Variants in PEG3 observed in about 807,000 individuals in gnomAD.
PEG3 encodes paternally-expressed gene 3 protein.
Under a neutral mutation model 35.5 loss-of-function variants are expected in PEG3, and 23 were observed. The observed-to-expected ratio is 0.65, with a 90% confidence interval of 0.47 to 0.92. The LOEUF (loss-of-function observed/expected upper bound fraction) is 0.92, where lower values mean the gene tolerates loss of function less well. Ranked by LOEUF, PEG3 falls within the 40% of genes least tolerant of loss-of-function variation. The probability of loss-of-function intolerance (pLI) is 0.00; values close to 1 mark genes in which losing one functional copy is unlikely to be tolerated. For missense variants in PEG3, 1,960 were observed against 1,985.3 expected, an observed-to-expected ratio of 0.99 and a Z score of 0.24; for synonymous variants, 707 against 697.0, an observed-to-expected ratio of 1.01 and a Z score of -0.23.
In PEG3 at chr19:56,813,982, A is replaced by G. The variant is rs201746827; in HGVS notation, c.4460T>C (p.Ile1487Thr). 9.9e-5 allele frequency: 159 copies of G among 1,613,902 alleles called. No individual in the cohort carries two copies. Among genetic ancestry groups the G allele is most frequent in the Middle Eastern group, 1.6e-4 (1 of 6,084 alleles). ...ATCTTCACCTTCTTCTGGGTCTTCA[A>G]TTCCCACACCGTCAGGCTCGTCGGC... ...GDADEPDGVGIEDPEEGEDQE... is the reference protein window; with the variant it reads ...GDADEPDGVGTEDPEEGEDQE... The change falls in exon 10 of 10, where the codon ATT becomes ACT. Residue 1487 changes from isoleucine (I) to threonine (T), a missense_variant. Coordinates refer to ENST00000326441, the MANE Select transcript of PEG3 (RefSeq NM_006210.3).
chr19:56,838,583 C>T (rs1047590566), intron 1 of PEG3, among the ~76,000 whole-genome samples: 5 of 152,198 alleles, frequency 3.3e-5, no homozygotes, highest in African/African-American at 1.2e-4. Context: ...GGTCAGGCAA[C>T]AACAGGGGAA....
chr19:56,829,656 C>G (rs1040545299), intron 2 of PEG3, among the ~76,000 whole-genome samples: 4 of 152,242 alleles, frequency 2.6e-5, no homozygotes. Context: ...ATGAGGTTAG[C>G]TGCCTTCCTG....
At position 56,813,340 on chromosome 19, in the gene PEG3, A is replaced by T; in HGVS notation, c.*335T>A. ...TTTTATATACACCTCATGAAACACT[A>T]TATATACGTTACACAAGTGTCATTT... On this transcript the variant is annotated 3_prime_UTR_variant, in exon 10 of 10. Coordinates refer to ENST00000326441, the MANE Select transcript of PEG3 (RefSeq NM_006210.3). The T allele has an allele frequency of 9.5e-7, 1 of 1,057,472 alleles. No individual in the cohort carries two copies. Among genetic ancestry groups the T allele is most frequent in the South Asian group, 3.6e-5 (1 of 28,050 alleles). The allele number at this position is 1,057,472 out of a possible 1,614,324, so 65.5% of individuals were successfully genotyped here.
chr19:56,813,484 G>A lies in PEG3; in HGVS notation c.*191C>T, dbSNP rs896448433. 7.8e-6 allele frequency: 11 copies of A among 1,401,806 alleles called. No homozygotes were observed. Among genetic ancestry groups the A allele is most frequent in the East Asian group, 2.6e-5 (1 of 39,034 alleles). The allele number at this position is 1,401,806 out of a possible 1,614,324, so 86.8% of individuals were successfully genotyped here. Reference sequence around the variant, plus strand: ...CCACATGCAGACACTGACATCTGAAGGGGAAAGCTTAAGACTGTGGAATCT... The same window carrying A: ...CCACATGCAGACACTGACATCTGAAAGGGAAAGCTTAAGACTGTGGAATCT... On this transcript the variant is annotated 3_prime_UTR_variant, in exon 10 of 10. Coordinates refer to ENST00000326441, the MANE Select transcript of PEG3 (RefSeq NM_006210.3).
Position 56,814,298 on chromosome 19 carries a change from G to C in PEG3, c.4144C>G (p.Gln1382Glu). ...AAGCCCTGAATCCTCAGAACTACTTGTGGAACATGGACATTGGCTTCAACT... is the reference window on the plus strand; with the variant it reads ...AAGCCCTGAATCCTCAGAACTACTTCTGGAACATGGACATTGGCTTCAACT... ...QEVEANVHVP[Q>E]VVLRIQGLNV... is the part of the protein sequence containing the mutation. The change falls in exon 10 of 10, where the codon CAA becomes GAA. Residue 1382 changes from glutamine to glutamate, a missense_variant. Gln to Glu is a conservative substitution (Grantham distance 29, BLOSUM62 2). Coordinates refer to ENST00000326441, the MANE Select transcript of PEG3 (RefSeq NM_006210.3). This position sits in a 1 kb window ranked among gnomAD's most constrained non-coding sequence, Gnocchi z 5.8. 6.2e-7 allele frequency: 1 copy of C among 1,613,994 alleles called. No homozygotes were observed. The highest frequency in any genetic ancestry group is 8.5e-7 in the Non-Finnish European group (1 of 1,180,038).
In PEG3 at chr19:56,815,354, G is replaced by C; in HGVS notation, c.3088C>G (p.Arg1030Gly). Residue 1030 changes from arginine (R) to glycine (G), a missense_variant, in exon 10 of 10, where the codon CGG becomes GGG. Physicochemically the swap from Arg to Gly is moderately radical, Grantham distance 125. Around this residue, in one of 5 missense-constraint regions of PEG3, gnomAD observed 798 missense variants for 782.4 expected, o/e 1.02. Transcript: ENST00000326441. ...TGTCTGAAGTCCTTACATTTGTTCC[G>C]CGCTTGCTCTTTAGCATACTGCTCT... is the stretch of plus-strand genomic sequence containing the variant. ...AQEQYAKEQA[R>G]NKCKDFRQFF... 1 of 1,614,104 alleles carries C rather than the reference G, an allele frequency of 6.2e-7. No individual in the cohort carries two copies. The highest frequency in any genetic ancestry group is 8.5e-7 in the Non-Finnish European group (1 of 1,180,018).
At position 56,810,876 on chromosome 19, in the gene PEG3, A is replaced by C; in HGVS notation, c.*2799T>G. 1.0e-6 allele frequency: 1 copy of C among 965,224 alleles called. No homozygotes were observed. Among genetic ancestry groups the C allele is most frequent in the Non-Finnish European group, 1.2e-6 (1 of 811,600 alleles). 59.8% of individuals were successfully genotyped at this position (965,224 alleles called of 1,614,324 possible). A position where few individuals can be genotyped will look rare whatever the true frequency, so the allele number is the denominator to read the frequency against. ...CTAATTTTTCCTCTGGGTATGTATT[A>C]TGCACACCAATGGAGACACACATAA... On this transcript the variant is annotated 3_prime_UTR_variant, in exon 10 of 10. Transcript: ENST00000326441.
rs746835383 is a variant in PEG3 at position 56,818,600 on chromosome 19, C to G, written c.772G>C (p.Val258Leu). Residue 258 changes from valine (V) to leucine (L), a missense_variant and splice_region_variant, in exon 8 of 10, where the codon GTG (valine) becomes CTG (leucine). By Grantham distance (32) the Val-to-Leu change is conservative. This residue lies in a region of PEG3 where 613 missense variants were observed against 577.1 expected (regional missense o/e 1.06). Coordinates refer to ENST00000326441, the MANE Select transcript of PEG3 (RefSeq NM_006210.3). ...GTGACTGAGAGAAGCAGCTGCTTAC[C>G]GAGGGAGAGCAGCTTCCTGTAGTTT... ...MENYRKLLSLVQLAEDDGHSH... is the reference protein window; with the variant it reads ...MENYRKLLSLLQLAEDDGHSH... The G allele has an allele frequency of 6.2e-7, 1 of 1,613,940 alleles. No individual in the cohort carries two copies. The highest frequency in any genetic ancestry group is 8.5e-7 in the Non-Finnish European group (1 of 1,180,016).
chr19:56,833,174 TC>T (rs1156847645), intron 2 of PEG3: 2 of 517,354 alleles, frequency 3.9e-6, no homozygotes, highest in Admixed American at 3.9e-5. Flanking sequence ...GGCTCCCACA[TC>T]CCATCTGATG....
rs1487241642 is a variant in PEG3, at chr19:56,810,935, T to C, written c.*2740A>G. On this transcript the variant is annotated 3_prime_UTR_variant, in exon 10 of 10. Transcript: ENST00000326441. ...TATCAGGACATTATTATAGGGAACA[T>C]TTGAAAAAATTAAAGTGAAAGTATT... 1 of 968,736 alleles carries C rather than the reference T, an allele frequency of 1.0e-6. No individual in the cohort carries two copies. Among genetic ancestry groups the C allele is most frequent in the Non-Finnish European group, 1.2e-6 (1 of 814,868 alleles). 60.0% of individuals were successfully genotyped at this position (968,736 alleles called of 1,614,324 possible). A position where few individuals can be genotyped will look rare whatever the true frequency, so the allele number is the denominator to read the frequency against.
chr19:56,840,109 C>T (rs939485728), intron 1 of PEG3, among the ~76,000 whole-genome samples: 1 of 152,224 alleles, frequency 6.6e-6, no homozygotes, highest in Non-Finnish European at 1.5e-5. Context: ...TTCGCAGCCC[C>T]CAGACCCAGC....
intron 1 of PEG3, among the ~76,000 whole-genome samples, chr19:56,839,168 G>C (rs536858559): frequency 6.6e-6 from 1 of 151,946 alleles, no homozygotes; most frequent in East Asian, 2.0e-4. Flanking sequence ...CAAACCACTA[G>C]GTCCAATGCC....
chr19:56,811,103 T>C lies in PEG3; in HGVS notation c.*2572A>G. 1.0e-6 allele frequency: 1 copy of C among 984,986 alleles called. No individual in the cohort carries two copies. Among genetic ancestry groups the C allele is most frequent in the Non-Finnish European group, 1.2e-6 (1 of 829,514 alleles). The allele number at this position is 984,986 out of a possible 1,614,324, so 61.0% of individuals were successfully genotyped here. A position where few individuals can be genotyped will look rare whatever the true frequency, so the allele number is the denominator to read the frequency against. On this transcript the variant is annotated 3_prime_UTR_variant, in exon 10 of 10. Coordinates refer to ENST00000326441, the MANE Select transcript of PEG3 (RefSeq NM_006210.3). ...TCTTTGGATGGTGGGGATATGATTT[T>C]TTTTCCTCCACTTTTCTGTATTTTC...
rs369229885 is a variant in PEG3, at chr19:56,823,662, C to T, written c.412G>A (p.Val138Met). The change falls in exon 5 of 10, where the codon GTG (valine) becomes ATG (methionine). Residue 138 changes from valine to methionine, a missense_variant. By Grantham distance (21) the Val-to-Met change is conservative. Around this residue, in one of 5 missense-constraint regions of PEG3, gnomAD observed 613 missense variants for 577.1 expected, o/e 1.06. Coordinates refer to ENST00000326441, the MANE Select transcript of PEG3 (RefSeq NM_006210.3). The stretch of plus-strand genomic sequence containing the variant: ...CGGGTCATGTCGTCGTCGCTGGTCA[C>T]GTCACTGTTGTTGTCGTCTAAGAGG... Reference protein sequence around the residue: ...YQPEDDNNSDVTSDDDMTRNR... With the variant: ...YQPEDDNNSDMTSDDDMTRNR... 5.6e-5 allele frequency: 91 copies of T among 1,614,040 alleles called. No individual in the cohort carries two copies. The highest frequency in any genetic ancestry group is 8.9e-5 in the East Asian group (4 of 44,886).
chr19:56,830,097 T>C (rs953623444), intron 2 of PEG3, among the ~76,000 whole-genome samples: 7 of 152,230 alleles, frequency 4.6e-5, no homozygotes, highest in African/African-American at 1.2e-4. Context: ...TGAAGATGTA[T>C]GAATCCAACA....
chr19:56,812,897 C>T lies in PEG3; in HGVS notation c.*778G>A, dbSNP rs1447126971. 1 of 984,656 alleles carries T rather than the reference C, an allele frequency of 1.0e-6. No homozygotes were observed. Among genetic ancestry groups the T allele is most frequent in the Non-Finnish European group, 1.2e-6 (1 of 829,828 alleles). 61.0% of individuals were successfully genotyped at this position (984,656 alleles called of 1,614,324 possible). ...CTTCAACAAACATAACATGTGGCAACCAATCAATCTGGGTCACAAAAAGCC... is the reference window on the plus strand; with the variant it reads ...CTTCAACAAACATAACATGTGGCAATCAATCAATCTGGGTCACAAAAAGCC... On this transcript the variant is annotated 3_prime_UTR_variant, in exon 10 of 10. Transcript: ENST00000326441.
intron 1 of PEG3, among the ~76,000 whole-genome samples, chr19:56,840,227 T>C (rs2062847893): frequency 6.6e-6 from 1 of 152,174 alleles, no homozygotes; most frequent in Admixed American, 6.5e-5. Flanking sequence ...CTGTCTGCCC[T>C]AATGCCCCCG....
chr19:56,814,390 T>A lies in PEG3; in HGVS notation c.4052A>T (p.Lys1351Met). 6.2e-7 allele frequency: 1 copy of A among 1,613,902 alleles called. No homozygotes were observed. The highest frequency in any genetic ancestry group is 1.3e-5 in the African/African-American group (1 of 75,038). Residue 1351 changes from lysine to methionine, a missense_variant, in exon 10 of 10, where the codon AAG becomes ATG. Physicochemically the swap from Lys to Met is moderately conservative, Grantham distance 95. This residue lies in a region of PEG3 where 416 missense variants were observed against 416.7 expected (regional missense o/e 1.00). Transcript: ENST00000326441. This position sits in a 1 kb window ranked among gnomAD's most constrained non-coding sequence, Gnocchi z 5.8. Reference protein sequence around the residue: ...FIHSTVLTKHKELHLEEEEED... With the variant: ...FIHSTVLTKHMELHLEEEEED... Reference sequence around the variant, plus strand: ...TTCTTCTTCTTCCAGATGAAGCTCCTTATGTTTAGTGAGGACTGTGCTATG... The same window carrying A: ...TTCTTCTTCTTCCAGATGAAGCTCCATATGTTTAGTGAGGACTGTGCTATG...
chr19:56,812,936 T>C lies in PEG3; in HGVS notation c.*739A>G. ...TCACAAAAAGCCAATCCGTATATTG[T>C]AAAGCCTTACACAGTATTAGGTTCC... On this transcript the variant is annotated 3_prime_UTR_variant, in exon 10 of 10. Transcript: ENST00000326441. 1.0e-6 allele frequency: 1 copy of C among 985,768 alleles called. No individual in the cohort carries two copies. The highest frequency in any genetic ancestry group is 4.7e-5 in the South Asian group (1 of 21,290). 61.1% of individuals were successfully genotyped at this position (985,768 alleles called of 1,614,324 possible). A position where few individuals can be genotyped will look rare whatever the true frequency, so the allele number is the denominator to read the frequency against.
Sources: allele counts gnomAD v4.1 joint callset (sites outside exome capture counted in the v4.1 genomes callset), GRCh38; gene constraint gnomAD v4.1.1; regional missense constraint gnomAD v4.1.1; non-coding constraint Gnocchi (gnomAD v3.1); transcripts MANE v1.5; gene names NCBI Gene and HGNC (gene_info 2026-07-23, HGNC 2026-07-21).